The following DIPK1A variants were observed in gnomAD, a reference collection of about 807,000 sequenced individuals.
The protein encoded by DIPK1A is family with sequence similarity 69 member A.
In DIPK1A, 27 loss-of-function variants were observed where a neutral mutation model predicts 40.8. That is an observed-to-expected ratio of 0.66 (90% CI 0.49 to 0.91). DIPK1A has a LOEUF of 0.91. DIPK1A is among the 40% of genes least tolerant of loss of function. DIPK1A has a pLI of 0.00. For synonymous variants in DIPK1A, 166 were observed against 171.3 expected (o/e 0.97, Z 0.24); for missense variants, 412 against 505.7 (o/e 0.81, Z 1.78).
At chr1:92,960,417 T>C (rs2100930966) in intron 1 of DIPK1A, among the ~76,000 whole-genome samples, 1 of 152,300 alleles carries the variant, frequency 6.6e-6, no homozygotes, top group South Asian at 2.1e-4. Context: ...AGGAATACTG[T>C]CCTCTGAATG....
chr1:92,942,641 A>G (rs891973660), intron 1 of DIPK1A, among the ~76,000 whole-genome samples: 2 of 151,924 alleles, frequency 1.3e-5, no homozygotes, highest in African/African-American at 4.8e-5. Flanking sequence ...TTATTGAAAT[A>G]CTTTGTTAAT....
rs552848211 is a variant in DIPK1A at position 92,903,729 on chromosome 1, C to A, written c.55-27299G>T. ...TCGTAAGAGCTACCAAGTTTGAATT[C>A]TTTGGGCTTGACCTAAAATAATTAT... On this transcript the variant is annotated intron_variant, in intron 1 of 4. Coordinates refer to ENST00000370310, the MANE Select transcript of DIPK1A (RefSeq NM_001006605.5). Among the ~76,000 whole-genome samples, 12 of 152,298 alleles carry A rather than the reference C, an allele frequency of 7.9e-5. No homozygotes were observed. The East Asian group carries it at 1.3e-3, about 17-fold the overall frequency.
In DIPK1A at chr1:92,901,785, A is replaced by C. The variant is rs558689038; in HGVS notation, c.55-25355T>G. ...TTGGGCCCTGGGAGGCAGGGAATGC[A>C]CAGCAATGACTATATACCCCAAGGA... On this transcript the variant is annotated intron_variant, in intron 1 of 4. Coordinates refer to ENST00000370310, the MANE Select transcript of DIPK1A (RefSeq NM_001006605.5). Among the ~76,000 whole-genome samples the C allele has an allele frequency of 3.5e-4, 54 of 152,244 alleles. No individual in the cohort carries two copies. The South Asian group carries it at 9.8e-3, about 27-fold the overall frequency.
chr1:92,917,536 T>C (rs536700212), intron 1 of DIPK1A, among the ~76,000 whole-genome samples: 1 of 152,334 alleles, frequency 6.6e-6, no homozygotes, highest in South Asian at 2.1e-4. Context: ...GTTGTCAAAC[T>C]TAAACAATTT....
intron 4 of DIPK1A, among the ~76,000 whole-genome samples, chr1:92,835,776 T>C (rs370458140): frequency 2.6e-5 from 4 of 152,202 alleles, no homozygotes; most frequent in African/African-American, 9.6e-5. Flanking sequence ...TTTTGCCTTG[T>C]TTTTATTATC....
chr1:92,924,240 T>C (rs962675033), intron 1 of DIPK1A, among the ~76,000 whole-genome samples: 1 of 152,202 alleles, frequency 6.6e-6, no homozygotes, highest in African/African-American at 2.4e-5. Context: ...GTTTTAAAAT[T>C]GATTCCTCAG....
intron 1 of DIPK1A, among the ~76,000 whole-genome samples, chr1:92,918,310 T>C (rs1650133875): frequency 6.6e-6 from 1 of 152,118 alleles, no homozygotes; most frequent in South Asian, 2.1e-4. Flanking sequence ...CCATCATGTC[T>C]GGCTAAGTTT....
chr1:92,891,755 C>T (rs549005340), intron 1 of DIPK1A, among the ~76,000 whole-genome samples: 6 of 152,306 alleles, frequency 3.9e-5, no homozygotes, highest in Non-Finnish European at 8.8e-5. Flanking sequence ...ATTCCCTTTC[C>T]TAGCCAAGGA....
Position 92,843,636 on chromosome 1 carries a change from G to A in DIPK1A, c.1034C>T (p.Thr345Ile). The A allele has an allele frequency of 6.4e-7, 1 of 1,551,778 alleles. No homozygotes were observed. The highest frequency in any genetic ancestry group is 8.7e-7 in the Non-Finnish European group (1 of 1,147,000). The change falls in exon 5 of 5, where the codon ACT (threonine) becomes ATT (isoleucine). Residue 345 changes from threonine to isoleucine, a missense_variant. Physicochemically the swap from Thr to Ile is moderately conservative, Grantham distance 89 (BLOSUM62 -1). Coordinates refer to ENST00000370310, the MANE Select transcript of DIPK1A (RefSeq NM_001006605.5). Reference sequence around the variant, plus strand: ...CTTCATTGTACTCTGATCACAGCTAGTTCTACAATCTGTGCCATAGACACA... The same window carrying A: ...CTTCATTGTACTCTGATCACAGCTAATTCTACAATCTGTGCCATAGACACA... The part of the protein sequence containing the change: ...LDCVYGTDCR[T>I]SCDQSTMKCT...
chr1:92,848,035 C>T (rs932633700), intron 3 of DIPK1A, among the ~76,000 whole-genome samples: 2 of 152,150 alleles, frequency 1.3e-5, no homozygotes, highest in Non-Finnish European at 2.9e-5. Context: ...CCACACCTGG[C>T]TTTTACTGAT....
intron 4 of DIPK1A, chr1:92,833,643 A>C: frequency 6.2e-7 from 1 of 1,610,826 alleles, no homozygotes; most frequent in Non-Finnish European, 8.5e-7. Context: ...TGTGACAAAC[A>C]GAGATATCAT....
chr1:92,909,527 G>C (rs190139933), intron 1 of DIPK1A, among the ~76,000 whole-genome samples: 6 of 152,310 alleles, frequency 3.9e-5, no homozygotes, highest in Admixed American at 3.3e-4. Flanking sequence ...CTCTGGAAAG[G>C]AAGGAGTTGG....
chr1:92,896,296 C>T (rs972506173), intron 1 of DIPK1A, among the ~76,000 whole-genome samples: 3 of 148,916 alleles, frequency 2.0e-5, no homozygotes, highest in African/African-American at 7.5e-5. Flanking sequence ...GGTACTGGTA[C>T]CAAAACAGAG....
intron 1 of DIPK1A, among the ~76,000 whole-genome samples, chr1:92,884,182 G>A (rs940824285): frequency 1.3e-5 from 2 of 152,104 alleles, no homozygotes; most frequent in African/African-American, 2.4e-5. Context: ...TATTAAGAGC[G>A]GTGGCTCACA....
chr1:92,926,840 C>T (rs941294238), intron 1 of DIPK1A, among the ~76,000 whole-genome samples: 3 of 152,198 alleles, frequency 2.0e-5, no homozygotes, highest in African/African-American at 7.2e-5. Flanking sequence ...TTTGTTTGCA[C>T]AGTATATCCT....
At chr1:92,863,151 A>T (rs1334851325) in intron 2 of DIPK1A, among the ~76,000 whole-genome samples, 1 of 152,060 alleles carries the variant, frequency 6.6e-6, no homozygotes, top group Non-Finnish European at 1.5e-5. Context: ...TTATTTTTCC[A>T]TATCCCCTAC....
chr1:92,838,464 C>T (rs556029798), downstream of DIPK1A, among the ~76,000 whole-genome samples: 1 of 152,196 alleles, frequency 6.6e-6, no homozygotes. Flanking sequence ...GTCATACTTG[C>T]TCAGAACTTT....
chr1:92,846,480 T>G, intron 4 of DIPK1A: 1 of 341,122 alleles, frequency 2.9e-6, no homozygotes, highest in South Asian at 2.2e-5. Flanking sequence ...TCTAAGAGTA[T>G]ACTCATTTTA....
intron 1 of DIPK1A, among the ~76,000 whole-genome samples, chr1:92,889,813 A>C (rs1648776264): frequency 6.6e-6 from 1 of 151,880 alleles, no homozygotes; most frequent in African/African-American, 2.4e-5. Flanking sequence ...ATGCTCAGCT[A>C]ATTATTTTGT....
Sources: gnomAD v4.1 joint callset for allele counts (sites outside exome capture counted in the v4.1 genomes callset) on GRCh38, gnomAD v4.1.1 for gene constraint, MANE v1.5 for transcripts, NCBI Gene and HGNC (gene_info 2026-07-23, HGNC 2026-07-21) for gene names.